Variants in SUGCT observed in about 807,000 individuals in gnomAD.
SUGCT encodes succinyl-CoA:glutarate-CoA transferase, also known as succinyl-CoA:glutarate CoA-transferase.
A neutral mutation model predicts 55.0 loss-of-function variants in SUGCT; 41 were observed. The observed-to-expected ratio is 0.74, with a 90% CI of 0.58 to 0.97. SUGCT has a LOEUF of 0.97. Among genes scored for constraint, SUGCT ranks in the 50% least tolerant of loss-of-function variants. SUGCT has a pLI of 0.00. For missense variants in SUGCT, 568 were observed against 547.8 expected (o/e 1.04, Z -0.37); for synonymous variants, 187 against 200.4 (o/e 0.93, Z 0.56).
Position 40,485,466 on chromosome 7 carries a change from C to T in SUGCT, c.987-10818C>T, listed in dbSNP as rs151271298. Among the ~76,000 whole-genome samples, 29 of 134,982 alleles carry T rather than the reference C, an allele frequency of 2.1e-4. No homozygotes were observed. The East Asian group carries it at 6.5e-3, about 30-fold the overall frequency. The allele number at this position is 134,982 out of a possible 152,430, so 88.6% of individuals were successfully genotyped here. ...TTGGAGACTCGGTCTTGCTCTTTCA[C>T]CCAGGCTGGAATGTAGTGGCATGAT... On this transcript the variant is annotated intron_variant, in intron 11 of 13. Coordinates refer to ENST00000335693, the MANE Select transcript of SUGCT (RefSeq NM_001193313.2).
At chr7:40,462,674 T>C (rs1429928479) in intron 11 of SUGCT, among the ~76,000 whole-genome samples, 1 of 152,148 alleles carries the variant, frequency 6.6e-6, no homozygotes, top group African/African-American at 2.4e-5. Flanking sequence ...CAACAAGCAT[T>C]TGTTGAACAC....
intron 12 of SUGCT, among the ~76,000 whole-genome samples, chr7:40,516,291 C>A (rs1259179464): frequency 6.6e-6 from 1 of 152,214 alleles, no homozygotes; most frequent in East Asian, 1.9e-4. Flanking sequence ...TGTAAGTTTT[C>A]TTTTCATTTT....
At chr7:40,158,904 T>C (rs1394109675) in intron 1 of SUGCT, among the ~76,000 whole-genome samples, 2 of 151,890 alleles carry the variant, frequency 1.3e-5, no homozygotes, top group Admixed American at 1.3e-4. Context: ...CAAGGAAAAA[T>C]AGAGATCTCT....
the SUGCT span, among the ~76,000 whole-genome samples, chr7:40,983,226 G>C: frequency 5.3e-5 from 8 of 152,126 alleles, no homozygotes; most frequent in Admixed American, 1.3e-4. Context: ...AGTTTTCTAC[G>C]ATGGTTGGTC....
chr7:40,280,744 CA>C (rs1309628450), intron 8 of SUGCT, among the ~76,000 whole-genome samples: 1 of 152,044 alleles, frequency 6.6e-6, no homozygotes, highest in African/African-American at 2.4e-5. Context: ...AACTCTGTAT[CA>C]TTTTTTTAAA....
At chr7:40,284,153 G>A (rs992803594) in intron 8 of SUGCT, among the ~76,000 whole-genome samples, 21 of 151,992 alleles carry the variant, frequency 1.4e-4, no homozygotes, top group African/African-American at 5.1e-4. Context: ...GTTGGAGGTG[G>A]GGGCAGGGGA....
At chr7:40,275,923 A>G (rs1792443287) in intron 8 of SUGCT, among the ~76,000 whole-genome samples, 1 of 152,216 alleles carries the variant, frequency 6.6e-6, no homozygotes, top group Non-Finnish European at 1.5e-5. Context: ...GTGATAGAAA[A>G]AGAAAATATC....
chr7:40,610,910 A>C (rs1798739514), intron 12 of SUGCT, among the ~76,000 whole-genome samples: 2 of 152,274 alleles, frequency 1.3e-5, no homozygotes, highest in South Asian at 4.1e-4. Flanking sequence ...TCTCAAAGCA[A>C]CTGAATGTGT....
intron 9 of SUGCT, among the ~76,000 whole-genome samples, chr7:40,405,772 T>G (rs1216405027): frequency 7.2e-6 from 1 of 138,380 alleles, no homozygotes; most frequent in Non-Finnish European, 1.5e-5. Context: ...ATAGCGCCAC[T>G]GTACTCTACC....
At chr7:40,977,985 T>C in the SUGCT span, among the ~76,000 whole-genome samples, 1 of 152,186 alleles carries the variant, frequency 6.6e-6, no homozygotes, top group East Asian at 1.9e-4. Context: ...GATTCAATTT[T>C]TTCCTGTTCG....
chr7:40,361,697 T>A (rs972369425), intron 9 of SUGCT, among the ~76,000 whole-genome samples: 1 of 152,066 alleles, frequency 6.6e-6, no homozygotes, highest in African/African-American at 2.4e-5. Context: ...CTTACTGTAG[T>A]GTTTTGGTAT....
the SUGCT span, among the ~76,000 whole-genome samples, chr7:40,890,275 A>G: frequency 7.1e-6 from 1 of 141,220 alleles, no homozygotes; most frequent in East Asian, 2.0e-4. Context: ...TATAATATAA[A>G]TTAAATATTT....
At chr7:40,997,928 C>T in the SUGCT span, among the ~76,000 whole-genome samples, 3 of 151,990 alleles carry the variant, frequency 2.0e-5, no homozygotes, top group Non-Finnish European at 2.9e-5. Context: ...GGTGCTTGCC[C>T]TGGTGTATTC....
At chr7:40,664,006 T>C (rs1417339468) in intron 12 of SUGCT, among the ~76,000 whole-genome samples, 1 of 152,024 alleles carries the variant, frequency 6.6e-6, no homozygotes, top group Non-Finnish European at 1.5e-5. Flanking sequence ...ATTGTCCTTA[T>C]AAAAAGGGAA....
At chr7:40,931,524 A>G in the SUGCT span, among the ~76,000 whole-genome samples, 2 of 152,320 alleles carry the variant, frequency 1.3e-5, no homozygotes, top group South Asian at 2.1e-4. Flanking sequence ...TAGTTTTGCT[A>G]GAATTCGGCT....
At chr7:40,135,999 ATTTTTTTTT>A (rs34395438) in intron 1 of SUGCT, among the ~76,000 whole-genome samples, 1 of 112,964 alleles carries the variant, frequency 8.9e-6, no homozygotes, top group Non-Finnish European at 1.9e-5. Flanking sequence ...AGGATGCAGG[ATTTTTTTTT>A]TTTTTTTTGA....
At chr7:40,996,963 A>G in the SUGCT span, among the ~76,000 whole-genome samples, 2 of 152,174 alleles carry the variant, frequency 1.3e-5, no homozygotes, top group African/African-American at 4.8e-5. Flanking sequence ...TAAAACCCCA[A>G]ACTGAAGCGA....
intron 13 of SUGCT, among the ~76,000 whole-genome samples, chr7:40,771,668 A>T (rs1200210901): frequency 6.6e-6 from 1 of 152,134 alleles, no homozygotes; most frequent in Non-Finnish European, 1.5e-5. Context: ...TACTATTTTG[A>T]TTGTTAACAG....
At chr7:40,901,806 T>C in the SUGCT span, among the ~76,000 whole-genome samples, 6 of 152,140 alleles carry the variant, frequency 3.9e-5, no homozygotes, top group African/African-American at 1.4e-4. Context: ...AGTGCAGAAA[T>C]GCTAAACATG....
Sources: gnomAD v4.1 joint callset for allele counts (sites outside exome capture counted in the v4.1 genomes callset) on GRCh38, gnomAD v4.1.1 for gene constraint, MANE v1.5 for transcripts, NCBI Gene and HGNC (gene_info 2026-07-23, HGNC 2026-07-21) for gene names.